Variants in PCNT observed in about 807,000 individuals in gnomAD.
PCNT encodes the protein pericentrin, also known as kendrin.
A neutral mutation model predicts 380.4 loss-of-function variants in PCNT; 319 were observed. That is an observed-to-expected ratio of 0.84 (90% CI 0.77 to 0.92). The LOEUF (loss-of-function observed/expected upper bound fraction) is 0.92, where lower values mean the gene tolerates loss of function less well. Ranked by LOEUF, PCNT falls within the 40% of genes least tolerant of loss-of-function variation. PCNT has a pLI of 0.00. For synonymous variants in PCNT, 1,845 were observed against 1,735.2 expected (o/e 1.06, Z -1.57); for missense variants, 4,400 against 4,255.3 (o/e 1.03, Z -0.95).
rs1462090014 is a variant in PCNT at position 46,428,388 on chromosome 21, C to T, written c.7495-7C>T. ...TGCTCAGGCTGCTTGTCCCATTGTG[C>T]CCCCAGGGAGACCTGCAGGAAAAGT... is the stretch of plus-strand genomic sequence containing the variant. On this transcript the variant is annotated splice_polypyrimidine_tract_variant and splice_region_variant and intron_variant, in intron 34 of 46. Transcript: ENST00000359568. 8 of 1,611,014 alleles carry T rather than the reference C, an allele frequency of 5.0e-6. No homozygotes were observed. Among genetic ancestry groups the T allele is most frequent in the Non-Finnish European group, 6.8e-6 (8 of 1,179,166 alleles).
At chr21:46,343,761 G>T (rs925179770) in intron 3 of PCNT, among the ~76,000 whole-genome samples, 1 of 152,140 alleles carries the variant, frequency 6.6e-6, no homozygotes, top group Non-Finnish European at 1.5e-5. Flanking sequence ...GACAATTTTT[G>T]TTGGCAATTT....
chr21:46,411,316 A>G lies in PCNT; in HGVS notation c.5243A>G (p.Lys1748Arg). ...EIEQLHEVIE[K>R]LQHELSLMGP... ...GAACAACTCCATGAAGTCATTGAGA[A>G]GCTGCAGCACGAGCTGTCCCTCATG... Residue 1748 changes from lysine (K) to arginine (R), a missense_variant, in exon 28 of 47, where the codon AAG (lysine) becomes AGG (arginine). Physicochemically the swap from Lys to Arg is conservative, Grantham distance 26. Transcript: ENST00000359568. 6.2e-7 allele frequency: 1 copy of G among 1,614,214 alleles called. No homozygotes were observed. The highest frequency in any genetic ancestry group is 8.5e-7 in the Non-Finnish European group (1 of 1,180,046).
chr21:46,401,463 TA>T, intron 25 of PCNT, 87 bp from the exon 26 acceptor site: 1 of 1,086,084 alleles, frequency 9.2e-7, no homozygotes, highest in Non-Finnish European at 1.4e-6. Context: ...CAGGTGCAGC[TA>T]AAGATGGTCT....
At position 46,436,469 on chromosome 21, in the gene PCNT, G is replaced by GCCCCCC. The variant is rs769557050; in HGVS notation, c.8996+321_8996+322insCCCCCC. Among the ~76,000 whole-genome samples, 141 of 40,028 alleles carry GCCCCCC rather than the reference G, an allele frequency of 3.5e-3. 41 individuals carry two copies. The highest frequency in any genetic ancestry group is 6.0e-3 in the Non-Finnish European group (104 of 17,216). 26.3% of individuals were successfully genotyped at this position (40,028 alleles called of 152,430 possible). On this transcript the variant is annotated intron_variant, in intron 39 of 46. Transcript: ENST00000359568. ...CAGGGTCGGGTTTGGAGCCTCCTGT[G>GCCCCCC]GCCCCCCCCCCCCCCCCCCGCTGGC... is the stretch of plus-strand genomic sequence containing the variant.
intron 8 of PCNT, 69 bp downstream of exon 8, chr21:46,349,889 C>T (rs2084204326): frequency 3.5e-6 from 5 of 1,429,144 alleles, no homozygotes; most frequent in African/African-American, 1.4e-5. Context: ...TGGAATTGGG[C>T]TATTTCGTAT....
chr21:46,324,657 G>C lies in PCNT; in HGVS notation c.54+375G>C, dbSNP rs183004597. ...AGGGGCGTGGCGTGGCTGCACGGAG[G>C]GGGTGGGGCGCGGCAGGCGCTGGAC... On this transcript the variant is annotated intron_variant, in intron 1 of 46. Coordinates refer to ENST00000359568, the MANE Select transcript of PCNT (RefSeq NM_006031.6). 5.9e-4 allele frequency among the ~76,000 whole-genome samples: 89 copies of C among 151,838 alleles called. 1 individual carries two copies. The highest frequency in any genetic ancestry group is 3.4e-3 in the Middle Eastern group (1 of 292).
chr21:46,337,762 A>G (rs1160278817), intron 3 of PCNT, among the ~76,000 whole-genome samples: 1 of 147,664 alleles, frequency 6.8e-6, no homozygotes, highest in Non-Finnish European at 1.5e-5. Flanking sequence ...TTGTATTTTT[A>G]GTAGAGATGG....
chr21:46,352,934 CAG>C (rs2084328527), intron 9 of PCNT, among the ~76,000 whole-genome samples, 168 bp from the exon 10 acceptor site: 1 of 152,216 alleles, frequency 6.6e-6, no homozygotes, highest in Non-Finnish European at 1.5e-5. Context: ...TCTCCACATT[CAG>C]GGGCGTACGA....
intron 12 of PCNT, among the ~76,000 whole-genome samples, chr21:46,356,042 T>C (rs2084462474): frequency 6.6e-6 from 1 of 152,192 alleles, no homozygotes; most frequent in South Asian, 2.1e-4. Context: ...TTGTGGGATG[T>C]CCAGGCAGGG....
chr21:46,353,249 C>G lies in PCNT; in HGVS notation c.1602C>G (p.Tyr534Ter). ...EKKLRDAEKT[Y>*]QEDLTLLQQR... is the part of the protein sequence containing the mutation. ...AGTTAAGGGATGCTGAGAAAACTTA[C>G]CAAGAAGACCTAACCCTGTTACAGC... Residue 534 changes from tyrosine (Y) to a stop codon, truncating the protein, a stop_gained, in exon 10 of 47, where the codon TAC (tyrosine) becomes TAG (stop). Coordinates refer to ENST00000359568, the MANE Select transcript of PCNT (RefSeq NM_006031.6). LOFTEE classifies it high-confidence loss of function. 1 of 1,614,150 alleles carries G rather than the reference C, an allele frequency of 6.2e-7. No homozygotes were observed. The highest frequency in any genetic ancestry group is 1.1e-5 in the South Asian group (1 of 91,084).
At chr21:46,381,497 AAACCAGGACTTTGTGTTCCCAGTG>A (rs2147142609) in intron 15 of PCNT, among the ~76,000 whole-genome samples, 173 bp from the exon 16 acceptor site, 1 of 152,236 alleles carries the variant, frequency 6.6e-6, no homozygotes, top group Non-Finnish European at 1.5e-5. Context: ...TTTATCCCCG[AAACCAGGACTTTGTGTTCCCAGTG>A]AAGTCCTTGA....
At chr21:46,389,503 G>C in intron 19 of PCNT, 72 bp downstream of exon 19, 1 of 1,244,040 alleles carries the variant, frequency 8.0e-7, no homozygotes, top group Non-Finnish European at 1.2e-6. Context: ...CACGAGCCTG[G>C]TGGATGCCGG....
intron 1 of PCNT, among the ~76,000 whole-genome samples, chr21:46,324,679 G>A (rs1401615029): frequency 6.6e-6 from 1 of 151,880 alleles, no homozygotes; most frequent in Non-Finnish European, 1.5e-5. Context: ...GGCAGGCGCT[G>A]GACCCCAGGC....
chr21:46,359,092 G>T (rs1056500250), intron 13 of PCNT, among the ~76,000 whole-genome samples: 11 of 152,126 alleles, frequency 7.2e-5, no homozygotes, highest in African/African-American at 2.4e-4. Context: ...ACAGGTGTGA[G>T]CCACCGCACC....
At chr21:46,325,630 A>T (rs989186573) in intron 1 of PCNT, among the ~76,000 whole-genome samples, 1 of 152,182 alleles carries the variant, frequency 6.6e-6, no homozygotes, top group South Asian at 2.1e-4. Flanking sequence ...TGTGTGTTCC[A>T]TGCGTTTGTT....
Position 46,326,258 on chromosome 21 carries a change from C to CA in PCNT, c.55-118dup, listed in dbSNP as rs918353183. 3.2e-5 allele frequency: 27 copies of CA among 840,414 alleles called. 1 individual carries two copies. The highest frequency in any genetic ancestry group is 6.0e-5 in the Admixed American group (3 of 49,918). 52.1% of individuals were successfully genotyped at this position (840,414 alleles called of 1,614,324 possible). On this transcript the variant is annotated intron_variant, in intron 1 of 46. Transcript: ENST00000359568. ...AGAGCCATCTGTTGGCCAGGTGTGG[C>CA]AGAGTAGACTGGGTCAGCCCTCGGG...
At chr21:46,342,655 C>T (rs2083942871) in intron 3 of PCNT, among the ~76,000 whole-genome samples, 1 of 152,006 alleles carries the variant, frequency 6.6e-6, no homozygotes, top group Non-Finnish European at 1.5e-5. Context: ...ATTCTTCTAC[C>T]TCAGCTTCCA....
chr21:46,376,465 C>G (rs761531686), intron 15 of PCNT, among the ~76,000 whole-genome samples: 2 of 152,158 alleles, frequency 1.3e-5, no homozygotes, highest in African/African-American at 4.8e-5. Flanking sequence ...AGGAGGGAAG[C>G]GCCTGATCTG....
In PCNT at chr21:46,425,919, C is replaced by T; in HGVS notation, c.7268C>T (p.Pro2423Leu). 6.2e-7 allele frequency: 1 copy of T among 1,614,048 alleles called. No homozygotes were observed. The highest frequency in any genetic ancestry group is 2.2e-5 in the East Asian group (1 of 44,872). The change falls in exon 33 of 47, where the codon CCC becomes CTC. Residue 2423 changes from proline (P) to leucine (L), a missense_variant. Transcript: ENST00000359568. This position sits in a 1 kb window ranked among gnomAD's most constrained non-coding sequence, Gnocchi z 4.2. ...LAPPSGEPHP[P>L]RKEDEIQDIS... Reference sequence around the variant, plus strand: ...CCCCCAAGCGGCGAGCCACACCCACCCCGGAAGGAAGACGAGATACAGGAC... The same window carrying T: ...CCCCCAAGCGGCGAGCCACACCCACTCCGGAAGGAAGACGAGATACAGGAC...
Sources: gnomAD v4.1 joint callset for allele counts (sites outside exome capture counted in the v4.1 genomes callset) on GRCh38, gnomAD v4.1.1 for gene constraint, Gnocchi (gnomAD v3.1) non-coding constraint, MANE v1.5 for transcripts, NCBI Gene and HGNC (gene_info 2026-07-23, HGNC 2026-07-21) for gene names.